The following PI4K2A variants were observed in gnomAD, a reference collection of about 807,000 sequenced individuals.
PI4K2A encodes the protein phosphatidylinositol 4-kinase type 2 alpha, also known as phosphatidylinositol 4-kinase type 2-alpha.
PI4K2A carries 20 observed loss-of-function variants against 55.0 expected under a neutral mutation model. That is an observed-to-expected ratio of 0.36 (90% CI 0.26 to 0.53). The LOEUF is 0.53. PI4K2A is among the 20% of genes least tolerant of loss of function. The pLI is 0.91. For missense variants in PI4K2A, 463 were observed against 637.1 expected (o/e 0.73, Z 2.94); for synonymous variants, 235 against 258.5 (o/e 0.91, Z 0.87).
chr10:97,673,088 G>A (rs1331970073), intron 8 of PI4K2A, among the ~76,000 whole-genome samples: 2 of 152,024 alleles, frequency 1.3e-5, no homozygotes, highest in Non-Finnish European at 1.5e-5. Flanking sequence ...CCGGGTTCGA[G>A]CAATTCTCCT....
chr10:97,641,727 T>G (rs1564771962), intron 1 of PI4K2A, among the ~76,000 whole-genome samples: 1 of 152,210 alleles, frequency 6.6e-6, no homozygotes, highest in Non-Finnish European at 1.5e-5. Context: ...CTCACCAGTT[T>G]CATCTGCCCT....
intron 2 of PI4K2A, among the ~76,000 whole-genome samples, chr10:97,654,483 A>AACTAT (rs2041543305): frequency 6.6e-6 from 1 of 152,160 alleles, no homozygotes; most frequent in African/African-American, 2.4e-5. Flanking sequence ...GAAAAAAAAT[A>AACTAT]GTTATTTGTA....
intron 8 of PI4K2A, among the ~76,000 whole-genome samples, chr10:97,670,096 C>T (rs1233669577): frequency 1.3e-5 from 2 of 151,976 alleles, no homozygotes; most frequent in Non-Finnish European, 2.9e-5. Context: ...GGTGGGGTCT[C>T]GCTATGTTGC....
At chr10:97,669,857 G>A (rs902878424) in intron 8 of PI4K2A, among the ~76,000 whole-genome samples, 3 of 152,122 alleles carry the variant, frequency 2.0e-5, no homozygotes, top group Middle Eastern at 3.2e-3. Context: ...GCTTCTCACC[G>A]GGAGTTAAAG....
At chr10:97,645,558 A>G (rs1220234838) in intron 1 of PI4K2A, among the ~76,000 whole-genome samples, 1 of 149,540 alleles carries the variant, frequency 6.7e-6, no homozygotes, top group East Asian at 2.0e-4. Flanking sequence ...CAGTGAGCCA[A>G]GATCGTGCCA....
intron 1 of PI4K2A, 49 bp from the exon 2 acceptor site, chr10:97,650,892 A>G (rs1356904332): frequency 1.4e-6 from 2 of 1,401,966 alleles, no homozygotes; most frequent in South Asian, 1.2e-5. Context: ...TCTGTGGGCT[A>G]TTTTGGTCAA....
chr10:97,656,868 T>C lies in PI4K2A; in HGVS notation c.816T>C (p.Tyr272=), dbSNP rs762531696. ...TTGAAGGCTACAAAGATGCAGACTA[T>C]TGGCTGCGGCGTTTTGAAGCAGAAC... The change falls in exon 4 of 9, where the codon TAT becomes TAC. Residue 272 remains tyrosine (Y), a synonymous_variant. Coordinates refer to ENST00000370631, the Ensembl canonical transcript of PI4K2A. This position sits in a 1 kb window ranked among gnomAD's most constrained non-coding sequence, Gnocchi z 4.5. 8.1e-6 allele frequency: 13 copies of C among 1,614,092 alleles called. No homozygotes were observed. Among genetic ancestry groups the C allele is most frequent in the South Asian group, 1.1e-5 (1 of 91,092 alleles).
exon 9 of PI4K2A, chr10:97,673,745 C>T (rs2041647696): frequency 6.2e-6 from 10 of 1,613,480 alleles, no homozygotes; most frequent in Non-Finnish European, 8.5e-6. Flanking sequence ...GGTGGTAGCT[C>T]CAGAGGCAGG....
intron 1 of PI4K2A, among the ~76,000 whole-genome samples, chr10:97,648,069 G>A (rs947128771): frequency 6.6e-6 from 1 of 151,012 alleles, no homozygotes. Context: ...GGGACTACAG[G>A]TGCATACCAC....
At chr10:97,667,079 A>T in exon 8 of PI4K2A, 1 of 1,613,744 alleles carries the variant, frequency 6.2e-7, no homozygotes, top group Non-Finnish European at 8.5e-7. Flanking sequence ...TGGTTTCGAC[A>T]GGGGCCAGTT....
chr10:97,662,990 T>TA, intron 5 of PI4K2A, 22 bp downstream of exon 5: 1 of 1,466,408 alleles, frequency 6.8e-7, no homozygotes, highest in African/African-American at 1.4e-5. Flanking sequence ...AGATAAATCT[T>TA]AAAGAGAATG....
intron 1 of PI4K2A, among the ~76,000 whole-genome samples, chr10:97,646,102 G>A (rs957236349): frequency 6.6e-6 from 1 of 152,092 alleles, no homozygotes; most frequent in Non-Finnish European, 1.5e-5. Flanking sequence ...TTACTTAGGA[G>A]TGGAGAGTGG....
chr10:97,643,190 T>G (rs2041487362), intron 1 of PI4K2A, among the ~76,000 whole-genome samples: 1 of 151,890 alleles, frequency 6.6e-6, no homozygotes, highest in African/African-American at 2.4e-5. Flanking sequence ...CTCGCCATGT[T>G]GCCCTGGTTG....
At chr10:97,649,609 ATTTTTTTTTTTTTT>A (rs60329004) in intron 1 of PI4K2A, among the ~76,000 whole-genome samples, 54 of 70,554 alleles carry the variant, frequency 7.7e-4, no homozygotes, top group African/African-American at 1.4e-3. Context: ...TCCATAATAG[ATTTTTTTTTTTTTT>A]TTTTTTTTTT....
intron 1 of PI4K2A, among the ~76,000 whole-genome samples, chr10:97,642,132 A>G (rs930427267): frequency 6.6e-6 from 1 of 152,154 alleles, no homozygotes; most frequent in Admixed American, 6.6e-5. Context: ...AAGTTTCCTC[A>G]GATTTTCCCT....
At chr10:97,658,021 G>C (rs1405599366) in intron 4 of PI4K2A, among the ~76,000 whole-genome samples, 1 of 152,142 alleles carries the variant, frequency 6.6e-6, no homozygotes, top group Non-Finnish European at 1.5e-5. Context: ...TTTTTATAGA[G>C]ATGGGGTTTC....
At chr10:97,650,906 G>A (rs1407245615) in intron 1 of PI4K2A, 35 bp from the exon 2 acceptor site, 12 of 1,544,406 alleles carry the variant, frequency 7.8e-6, no homozygotes, top group South Asian at 1.1e-5. Flanking sequence ...TGGTCAACTC[G>A]GATTTAACAT....
intron 2 of PI4K2A, among the ~76,000 whole-genome samples, chr10:97,654,464 G>C (rs1020028793): frequency 1.3e-5 from 2 of 151,716 alleles, no homozygotes; most frequent in African/African-American, 4.8e-5. Flanking sequence ...TTGCCTCTCA[G>C]GTTCATGGGA....
chr10:97,650,382 A>C (rs1368793302), intron 1 of PI4K2A, among the ~76,000 whole-genome samples: 2 of 150,000 alleles, frequency 1.3e-5, no homozygotes, highest in African/African-American at 4.9e-5. Flanking sequence ...CATGGGTTCA[A>C]GTGATTCTCA....
Sources: gnomAD v4.1 joint callset for allele counts (sites outside exome capture counted in the v4.1 genomes callset) on GRCh38, gnomAD v4.1.1 for gene constraint, Gnocchi (gnomAD v3.1) non-coding constraint, MANE v1.5 for transcripts, NCBI Gene and HGNC (gene_info 2026-07-23, HGNC 2026-07-21) for gene names.